The following STK33 variants were observed in gnomAD, a reference collection of about 807,000 sequenced individuals.
The protein encoded by STK33 is serine/threonine kinase 33.
STK33 carries 52 observed loss-of-function variants against 58.0 expected under a neutral mutation model. That is an observed-to-expected ratio of 0.90 (90% CI 0.72 to 1.13). STK33 has a LOEUF of 1.13. Ranked by LOEUF, STK33 falls within the 50% of genes most tolerant of loss-of-function variation. STK33 has a pLI of 0.00. For synonymous variants in STK33, 215 were observed against 200.1 expected (o/e 1.07, Z -0.63); for missense variants, 630 against 604.2 (o/e 1.04, Z -0.45).
chr11:8,453,791 G>A (rs1274930424), intron 10 of STK33, among the ~76,000 whole-genome samples: 1 of 152,170 alleles, frequency 6.6e-6, no homozygotes, highest in Non-Finnish European at 1.5e-5. Flanking sequence ...CTATTTACAT[G>A]TGATATCACC....
intron 15 of STK33, among the ~76,000 whole-genome samples, chr11:8,397,002 G>GGCCT (rs1376464969): frequency 1.3e-5 from 2 of 152,228 alleles, no homozygotes; most frequent in African/African-American, 4.8e-5. Context: ...AGCTCAAGGA[G>GGCCT]GCCTGCCTGC....
chr11:8,368,738 C>A, the STK33 span, among the ~76,000 whole-genome samples: 7,443 of 152,302 alleles, frequency 0.049, 245 homozygotes, highest in Non-Finnish European at 0.07. Context: ...CCTTGTTTCC[C>A]TGCTTCAAAG....
chr11:8,470,076 A>G (rs1377048207), intron 6 of STK33, among the ~76,000 whole-genome samples: 1 of 152,186 alleles, frequency 6.6e-6, no homozygotes, highest in Non-Finnish European at 1.5e-5. Flanking sequence ...CTAACAGGAG[A>G]GTCAGTCTGT....
At chr11:8,577,795 A>G (rs1277150680) in intron 1 of STK33, among the ~76,000 whole-genome samples, 1 of 152,056 alleles carries the variant, frequency 6.6e-6, no homozygotes, top group Admixed American at 6.6e-5. Flanking sequence ...GGCTCTCTTC[A>G]ATTTATACAT....
At chr11:8,348,665 G>C in the STK33 span, among the ~76,000 whole-genome samples, 3 of 152,198 alleles carry the variant, frequency 2.0e-5, no homozygotes, top group South Asian at 2.1e-4. Flanking sequence ...GCTTGACTCA[G>C]TTGTGTAAAA....
At chr11:8,545,694 A>C (rs369242911) in intron 1 of STK33, among the ~76,000 whole-genome samples, 1 of 152,192 alleles carries the variant, frequency 6.6e-6, no homozygotes, top group Non-Finnish European at 1.5e-5. Context: ...AGAAACATAA[A>C]GGTCTAGTTA....
chr11:8,387,908 C>T (rs796518825), downstream of STK33, among the ~76,000 whole-genome samples: 8 of 151,420 alleles, frequency 5.3e-5, no homozygotes, highest in African/African-American at 1.2e-4. Flanking sequence ...AAAGAATAGC[C>T]TGGCTTCAGG....
intron 1 of STK33, among the ~76,000 whole-genome samples, chr11:8,504,368 C>T (rs1475914426): frequency 2.0e-5 from 3 of 152,188 alleles, no homozygotes; most frequent in South Asian, 2.1e-4. Flanking sequence ...AATGGCAACA[C>T]CCTAAGCAGC....
intron 1 of STK33, among the ~76,000 whole-genome samples, chr11:8,532,299 G>T (rs185996437): frequency 6.6e-6 from 1 of 152,320 alleles, no homozygotes; most frequent in African/African-American, 2.4e-5. Context: ...CTGGCCTGTC[G>T]CTTGCTTTTA....
intron 1 of STK33, among the ~76,000 whole-genome samples, chr11:8,554,418 C>CAAA (rs35967209): frequency 2.9e-4 from 17 of 58,692 alleles, no homozygotes; most frequent in Non-Finnish European, 4.4e-4. Context: ...GACTCCATCT[C>CAAA]AAAAAAAAAA....
At chr11:8,452,040 T>TA (rs1462076415) in intron 11 of STK33, among the ~76,000 whole-genome samples, 2 of 152,014 alleles carry the variant, frequency 1.3e-5, no homozygotes, top group African/African-American at 4.8e-5. Flanking sequence ...CTGTCTCTAC[T>TA]AAAAATACAA....
chr11:8,454,635 T>A, intron 10 of STK33, 109 bp downstream of exon 10: 1 of 1,318,108 alleles, frequency 7.6e-7, no homozygotes, highest in Non-Finnish European at 1.0e-6. Context: ...AGCCACTTAT[T>A]TTCTGGCTGC....
At chr11:8,547,507 C>T (rs1179241755) in intron 1 of STK33, among the ~76,000 whole-genome samples, 1 of 152,246 alleles carries the variant, frequency 6.6e-6, no homozygotes, top group Non-Finnish European at 1.5e-5. Context: ...AGCCACTGCA[C>T]CTAGCCCTGT....
Position 8,392,415 on chromosome 11 carries a change from C to T in STK33, c.*95G>A. On this transcript the variant is annotated 3_prime_UTR_variant, in exon 16 of 16. Transcript: ENST00000687296. The stretch of plus-strand genomic sequence containing the variant: ...CTCTGTGGAGCTAAAAGGCTACAAG[C>T]TCAGCATAGGGCTGTCTTCTTCCCC... The T allele has an allele frequency of 2.8e-6, 4 of 1,421,432 alleles. No individual in the cohort carries two copies. The highest frequency in any genetic ancestry group is 3.9e-6 in the Non-Finnish European group (4 of 1,027,824). The allele number at this position is 1,421,432 out of a possible 1,614,324, so 88.1% of individuals were successfully genotyped here.
intron 4 of STK33, 101 bp from the exon 5 acceptor site, chr11:8,475,167 TAG>T (rs1949150857): frequency 2.9e-6 from 1 of 341,002 alleles, no homozygotes. Flanking sequence ...GCATCCTGTA[TAG>T]ACATGAAAAG....
intron 14 of STK33, among the ~76,000 whole-genome samples, chr11:8,421,543 G>A (rs1477877233): frequency 1.3e-5 from 2 of 152,144 alleles, no homozygotes; most frequent in Non-Finnish European, 2.9e-5. Context: ...ATATCCGGTA[G>A]AGCAAGACAT....
chr11:8,515,056 G>C (rs1952653653), intron 1 of STK33, among the ~76,000 whole-genome samples: 1 of 151,994 alleles, frequency 6.6e-6, no homozygotes, highest in African/African-American at 2.4e-5. Context: ...CAGCTGAACT[G>C]GAAGAGAAGT....
chr11:8,480,019 C>G (rs1385840886), intron 2 of STK33, among the ~76,000 whole-genome samples: 2 of 151,932 alleles, frequency 1.3e-5, no homozygotes, highest in Non-Finnish European at 2.9e-5. Flanking sequence ...TTGGAAAAGT[C>G]GTCAAAGAAA....
chr11:8,547,704 T>C (rs1956033475), intron 1 of STK33, among the ~76,000 whole-genome samples: 1 of 152,238 alleles, frequency 6.6e-6, no homozygotes. Flanking sequence ...TCCTTTGCTG[T>C]GCAAAAGCTT....
Sources: gnomAD v4.1 joint callset for allele counts (sites outside exome capture counted in the v4.1 genomes callset) on GRCh38, gnomAD v4.1.1 for gene constraint, MANE v1.5 for transcripts, NCBI Gene and HGNC (gene_info 2026-07-23, HGNC 2026-07-21) for gene names.